Variants in ATAD2 observed in about 807,000 individuals in gnomAD.
ATAD2 encodes the protein ATPase family AAA domain-containing protein 2.
In ATAD2, 62 loss-of-function variants were observed where a neutral mutation model predicts 168.9. The observed-to-expected ratio is 0.37, with a 90% CI of 0.30 to 0.45. The LOEUF is 0.45. Among genes scored for constraint, ATAD2 ranks in the 20% least tolerant of loss-of-function variants. The pLI is 1.00. For missense variants in ATAD2, 1,419 were observed against 1,667.8 expected, an observed-to-expected ratio of 0.85 and a Z score of 2.60; for synonymous variants, 613 against 571.6, an observed-to-expected ratio of 1.07 and a Z score of -1.03.
Position 123,328,465 on chromosome 8 carries a change from A to G in ATAD2, c.3593T>C (p.Ile1198Thr). 6.2e-7 allele frequency: 1 copy of G among 1,609,004 alleles called. No homozygotes were observed. The highest frequency in any genetic ancestry group is 1.3e-5 in the African/African-American group (1 of 74,864). The change falls in exon 25 of 28, where the codon ATT (isoleucine) becomes ACT (threonine). Residue 1198 changes from isoleucine to threonine, a missense_variant. Physicochemically the swap from Ile to Thr is moderately conservative, Grantham distance 89. Around this residue, in one of 5 missense-constraint regions of ATAD2, gnomAD observed 303 missense variants for 304.3 expected, o/e 1.00. Coordinates refer to ENST00000287394, the MANE Select transcript of ATAD2 (RefSeq NM_014109.4). Reference protein sequence around the residue: ...DDSQNAIDHKIESDTEETQDT... With the variant: ...DDSQNAIDHKTESDTEETQDT... ...TTGAGTTTCCTCTGTATCACTCTCA[A>G]TTTTGTGATCTATGGCATTCTGGCT...
intron 14 of ATAD2, among the ~76,000 whole-genome samples, chr8:123,349,070 A>G (rs974210598): frequency 2.0e-5 from 3 of 152,232 alleles, no homozygotes; most frequent in African/African-American, 4.8e-5. Flanking sequence ...TCCAAAGGCT[A>G]CACTCAAATT....
At chr8:123,325,226 G>C (rs1287744619) in intron 26 of ATAD2, among the ~76,000 whole-genome samples, 4 of 149,704 alleles carry the variant, frequency 2.7e-5, no homozygotes, top group African/African-American at 9.8e-5. Flanking sequence ...CTCCCCAGTA[G>C]GCTGGGAATA....
intron 1 of ATAD2, among the ~76,000 whole-genome samples, chr8:123,388,800 G>A (rs1017290253): frequency 6.6e-6 from 1 of 152,128 alleles, no homozygotes. Context: ...CTCCCAAAGT[G>A]CTGGGATTAG....
chr8:123,327,511 TAA>T (rs3082714), intron 25 of ATAD2, among the ~76,000 whole-genome samples: 4 of 142,424 alleles, frequency 2.8e-5, no homozygotes, highest in Admixed American at 7.0e-5. Context: ...TATCAGCCAC[TAA>T]AAAAAAAAAA....
At chr8:123,414,070 C>A (rs1465748146) in intron 1 of ATAD2, among the ~76,000 whole-genome samples, 24 of 105,122 alleles carry the variant, frequency 2.3e-4, no homozygotes, top group Non-Finnish European at 4.1e-4. Context: ...CCAGCCTGGG[C>A]GACAGAGTGA....
intron 8 of ATAD2, 39 bp downstream of exon 8, chr8:123,369,019 T>C: frequency 7.9e-7 from 1 of 1,262,346 alleles, no homozygotes; most frequent in Non-Finnish European, 1.1e-6. Context: ...ATAAAAACAA[T>C]TATGTTGTCA....
In ATAD2 at chr8:123,402,243, G is replaced by C; in HGVS notation, c.-2281-1068C>G. Reference sequence around the variant, plus strand: ...GCTCCTTTCCAGGGAGAGAGGAGGCGAAGTTGTGAGGGGTCTGTGACCCCT... The same window carrying C: ...GCTCCTTTCCAGGGAGAGAGGAGGCCAAGTTGTGAGGGGTCTGTGACCCCT... On this transcript the variant is annotated intron_variant, in intron 1 of 28. Transcript: ENST00000521903. The surrounding 1 kb of genome is among the most constrained non-coding windows in gnomAD (Gnocchi z 4.8). The C allele has an allele frequency of 1.7e-6, 1 of 590,134 alleles. No homozygotes were observed. The highest frequency in any genetic ancestry group is 1.9e-5 in the South Asian group (1 of 52,976). The allele number at this position is 590,134 out of a possible 1,614,324, so 36.6% of individuals were successfully genotyped here.
intron 8 of ATAD2, among the ~76,000 whole-genome samples, chr8:123,366,692 C>A (rs1050785425): frequency 2.6e-5 from 4 of 152,194 alleles, no homozygotes; most frequent in African/African-American, 4.8e-5. Flanking sequence ...TATGAAGATG[C>A]AAAGGCATAA....
intron 1 of ATAD2, among the ~76,000 whole-genome samples, chr8:123,407,463 C>A (rs762905329): frequency 6.6e-6 from 1 of 151,906 alleles, no homozygotes; most frequent in Non-Finnish European, 1.5e-5. Context: ...GTGGCTCACA[C>A]CTGCAATCCC....
rs187184753 is a variant in ATAD2, at chr8:123,412,215, T to C, written c.-2282+4033A>G. On this transcript the variant is annotated intron_variant, in intron 1 of 28. Coordinates refer to the ATAD2 transcript ENST00000521903. ...TATTGCAGAGACACTATATCAGCTC[T>C]AGAATGTATATGCTCAGGCTGTGGA... Among the ~76,000 whole-genome samples the C allele has an allele frequency of 1.4e-4, 21 of 152,300 alleles. No homozygotes were observed. In the East Asian group the frequency reaches 3.7e-3, roughly 27 times the overall value.
chr8:123,400,941 C>T, upstream of ATAD2: 1 of 1,393,638 alleles, frequency 7.2e-7, no homozygotes, highest in South Asian at 1.2e-5. The surrounding 1 kb of genome is among the most constrained non-coding windows in gnomAD (Gnocchi z 4.5). Flanking sequence ...TGGTGCTGAG[C>T]CCCTCGCACC....
chr8:123,346,295 G>C, intron 17 of ATAD2, 23 bp from the exon 18 acceptor site: 1 of 1,536,908 alleles, frequency 6.5e-7, no homozygotes, highest in Non-Finnish European at 8.7e-7. Context: ...TGATTAATAA[G>C]CTATGTTTTA....
Position 123,371,229 on chromosome 8 carries a change from T to C in ATAD2, c.639+7A>G, listed in dbSNP as rs756916339. 14 of 1,576,518 alleles carry C rather than the reference T, an allele frequency of 8.9e-6. No homozygotes were observed. Among genetic ancestry groups the C allele is most frequent in the East Asian group, 4.5e-5 (2 of 44,366 alleles). ...AAATCATTCCCTTAATGGAAGAATA[T>C]ATTTACTTCTTCTGTTTCATTAAAC... On this transcript the variant is annotated splice_region_variant and intron_variant, in intron 5 of 27. Transcript: ENST00000287394.
At chr8:123,370,308 A>T (rs1442644789) in intron 6 of ATAD2, among the ~76,000 whole-genome samples, 2 of 152,132 alleles carry the variant, frequency 1.3e-5, no homozygotes, top group African/African-American at 4.8e-5. Context: ...CCAAACTAAA[A>T]TTTATAGTCT....
intron 24 of ATAD2, among the ~76,000 whole-genome samples, chr8:123,333,186 A>T (rs1480496879): frequency 7.0e-6 from 1 of 142,034 alleles, no homozygotes; most frequent in Non-Finnish European, 1.5e-5. Context: ...CAGGAGATCG[A>T]GACCATCCTG....
chr8:123,381,694 A>AT (rs1252058561), intron 1 of ATAD2, among the ~76,000 whole-genome samples: 1 of 152,152 alleles, frequency 6.6e-6, no homozygotes, highest in East Asian at 1.9e-4. Context: ...CATATAGAGT[A>AT]TTTTCACATT....
At chr8:123,323,518 C>G (rs748556667) in intron 26 of ATAD2, among the ~76,000 whole-genome samples, 1 of 152,090 alleles carries the variant, frequency 6.6e-6, no homozygotes, top group Non-Finnish European at 1.5e-5. Flanking sequence ...TTTCCATCTG[C>G]TAAGTGTTTT....
At chr8:123,333,614 A>G (rs1389795361) in intron 24 of ATAD2, among the ~76,000 whole-genome samples, 1 of 152,170 alleles carries the variant, frequency 6.6e-6, no homozygotes, top group Non-Finnish European at 1.5e-5. Flanking sequence ...ACCTTCTAAG[A>G]ATAAGGGGGA....
chr8:123,359,713 A>G, intron 9 of ATAD2, 28 bp from the exon 10 acceptor site: 1 of 1,516,442 alleles, frequency 6.6e-7, no homozygotes, highest in Non-Finnish European at 9.1e-7. Flanking sequence ...TTAAAACCAC[A>G]CAAACCCATC....
Sources: gnomAD v4.1 joint callset for allele counts (sites outside exome capture counted in the v4.1 genomes callset) on GRCh38, gnomAD v4.1.1 for gene constraint, gnomAD v4.1.1 regional missense constraint, Gnocchi (gnomAD v3.1) non-coding constraint, MANE v1.5 for transcripts, NCBI Gene and HGNC (gene_info 2026-07-23, HGNC 2026-07-21) for gene names.